The following DDX10 variants were observed in gnomAD, a reference collection of about 807,000 sequenced individuals.
DDX10 encodes the protein DEAD-box helicase 10.
In DDX10, 74 loss-of-function variants were observed where a neutral mutation model predicts 104.3. The observed-to-expected ratio is 0.71, with a 90% CI of 0.59 to 0.86. The LOEUF is 0.86. Among genes scored for constraint, DDX10 ranks in the 40% least tolerant of loss-of-function variants. DDX10 has a pLI of 0.00. For missense variants in DDX10, 952 were observed against 1,040.0 expected, an observed-to-expected ratio of 0.92 and a Z score of 1.16; for synonymous variants, 351 against 353.4, an observed-to-expected ratio of 0.99 and a Z score of 0.08.
At chr11:108,759,572 T>C (rs755931890) in intron 13 of DDX10, among the ~76,000 whole-genome samples, 3 of 152,168 alleles carry the variant, frequency 2.0e-5, no homozygotes, top group Non-Finnish European at 2.9e-5. Flanking sequence ...AAGATTGTCA[T>C]TGAAATGCAA....
At chr11:108,913,612 A>T (rs1464845949) in intron 16 of DDX10, among the ~76,000 whole-genome samples, 1 of 152,146 alleles carries the variant, frequency 6.6e-6, no homozygotes, top group African/African-American at 2.4e-5. Flanking sequence ...TGCCTGACAC[A>T]GTCCCTAGCT....
At chr11:108,790,660 G>A (rs577225757) in intron 13 of DDX10, among the ~76,000 whole-genome samples, 2 of 152,248 alleles carry the variant, frequency 1.3e-5, no homozygotes, top group African/African-American at 4.8e-5. Flanking sequence ...GGTGTACTCA[G>A]ATGCATGCAT....
intron 16 of DDX10, among the ~76,000 whole-genome samples, chr11:108,887,129 T>G (rs1463468494): frequency 6.6e-6 from 1 of 152,168 alleles, no homozygotes. Flanking sequence ...AATTAGAATA[T>G]TTTTAATAGA....
chr11:108,672,536 C>T (rs1207755151), intron 1 of DDX10, among the ~76,000 whole-genome samples: 1 of 152,190 alleles, frequency 6.6e-6, no homozygotes, highest in Non-Finnish European at 1.5e-5. Context: ...GTATTTTCAG[C>T]ATTGGAGGGC....
chr11:108,802,925 C>A (rs17108567), intron 13 of DDX10, among the ~76,000 whole-genome samples: 2,864 of 151,994 alleles, frequency 0.019, 95 homozygotes, highest in African/African-American at 0.065. Context: ...AACTATCAGT[C>A]CAAGCAATCT....
intron 3 of DDX10, among the ~76,000 whole-genome samples, chr11:108,676,371 A>G (rs1435707017): frequency 6.6e-6 from 1 of 152,192 alleles, no homozygotes; most frequent in African/African-American, 2.4e-5. Flanking sequence ...CCCCCTTAAA[A>G]AAAAAGGCTC....
intron 17 of DDX10, among the ~76,000 whole-genome samples, chr11:108,924,748 T>G (rs1232829862): frequency 6.6e-6 from 1 of 152,240 alleles, no homozygotes. Context: ...TACAGTCAGC[T>G]TCATAATTTG....
At chr11:108,859,725 G>T (rs1862915773) in intron 16 of DDX10, among the ~76,000 whole-genome samples, 1 of 152,140 alleles carries the variant, frequency 6.6e-6, no homozygotes, top group Non-Finnish European at 1.5e-5. Context: ...GAATCATTGT[G>T]GTCAGTTTCA....
At chr11:108,681,759 T>C (rs1230609708) in intron 6 of DDX10, among the ~76,000 whole-genome samples, 1 of 152,244 alleles carries the variant, frequency 6.6e-6, no homozygotes, top group Non-Finnish European at 1.5e-5. Flanking sequence ...AGCAATTTGC[T>C]GTTTTTCAGT....
chr11:108,733,859 G>C (rs7951395), intron 13 of DDX10, among the ~76,000 whole-genome samples: 8,422 of 151,868 alleles, frequency 0.055, 769 homozygotes, highest in African/African-American at 0.19. Flanking sequence ...TACCTTCCAT[G>C]CTACCCTTAA....
chr11:108,883,931 T>C (rs923807193), intron 16 of DDX10, among the ~76,000 whole-genome samples: 2 of 152,228 alleles, frequency 1.3e-5, no homozygotes, highest in Admixed American at 6.5e-5. Context: ...ACTTCTCTTC[T>C]ACTTCCAGAC....
chr11:108,837,216 G>A (rs1862567265), intron 13 of DDX10, among the ~76,000 whole-genome samples: 1 of 152,156 alleles, frequency 6.6e-6, no homozygotes, highest in Non-Finnish European at 1.5e-5. Flanking sequence ...AAACCCAGAG[G>A]TTAGGTAATG....
intron 16 of DDX10, among the ~76,000 whole-genome samples, chr11:108,886,664 G>A (rs886202186): frequency 1.3e-5 from 2 of 152,008 alleles, no homozygotes; most frequent in South Asian, 4.2e-4. Flanking sequence ...TTATTTATTT[G>A]GAATGAAACA....
intron 13 of DDX10, among the ~76,000 whole-genome samples, chr11:108,830,998 T>C (rs977212838): frequency 8.3e-5 from 10 of 120,588 alleles, no homozygotes; most frequent in African/African-American, 2.0e-4. Context: ...GGCTTGCTTT[T>C]TCTTTTTTAA....
chr11:108,827,394 T>C (rs1862410067), intron 13 of DDX10, among the ~76,000 whole-genome samples: 1 of 152,176 alleles, frequency 6.6e-6, no homozygotes, highest in African/African-American at 2.4e-5. Flanking sequence ...GTAATAGCCA[T>C]TGACTCAAGA....
At chr11:108,861,515 A>C (rs1026299736) in intron 16 of DDX10, among the ~76,000 whole-genome samples, 3 of 152,210 alleles carry the variant, frequency 2.0e-5, no homozygotes, top group Non-Finnish European at 4.4e-5. Flanking sequence ...TTTTGAAAAC[A>C]TGATATTGAG....
intron 13 of DDX10, among the ~76,000 whole-genome samples, chr11:108,813,387 T>C (rs937903985): frequency 6.6e-6 from 1 of 152,218 alleles, no homozygotes; most frequent in East Asian, 1.9e-4. Flanking sequence ...CTATTTATAT[T>C]GGCTCTTCTG....
At chr11:108,837,752 AGCT>A (rs1459998971) in intron 13 of DDX10, among the ~76,000 whole-genome samples, 2 of 150,538 alleles carry the variant, frequency 1.3e-5, no homozygotes, top group Non-Finnish European at 2.9e-5. Context: ...CCTCCTGAGT[AGCT>A]GGGATTACAG....
chr11:108,755,033 G>C (rs149900046), intron 13 of DDX10, among the ~76,000 whole-genome samples: 2 of 152,030 alleles, frequency 1.3e-5, no homozygotes, highest in Non-Finnish European at 2.9e-5. Context: ...AGATGCTGTC[G>C]ATGGGGAATA....
Sources: gnomAD v4.1 joint callset for allele counts (sites outside exome capture counted in the v4.1 genomes callset) on GRCh38, gnomAD v4.1.1 for gene constraint, MANE v1.5 for transcripts, NCBI Gene and HGNC (gene_info 2026-07-23, HGNC 2026-07-21) for gene names.